CLCA2: variants seen among roughly 807,000 people sequenced by gnomAD.
The protein encoded by CLCA2 is chloride channel accessory 2, also known as calcium-activated chloride channel regulator 2.
Under a neutral mutation model 82.9 loss-of-function variants are expected in CLCA2, and 85 were observed. The observed-to-expected ratio is 1.03, with a 90% CI of 0.86 to 1.23. The LOEUF is 1.23. CLCA2 is among the 50% of genes most tolerant of loss of function. The probability of loss-of-function intolerance (pLI) is 0.00; values close to 1 mark genes in which losing one functional copy is unlikely to be tolerated. For missense variants in CLCA2, 1,089 were observed against 1,124.8 expected, an observed-to-expected ratio of 0.97 and a Z score of 0.45; for synonymous variants, 421 against 391.7, an observed-to-expected ratio of 1.07 and a Z score of -0.88.
At chr1:86,427,583 A>G (rs1662414173) in intron 2 of CLCA2, among the ~76,000 whole-genome samples, 1 of 151,664 alleles carries the variant, frequency 6.6e-6, no homozygotes, top group African/African-American at 2.4e-5. Context: ...CAAAACACAT[A>G]TACATATTGT....
intron 10 of CLCA2, among the ~76,000 whole-genome samples, chr1:86,444,305 AAC>A (rs1012089200): frequency 3.3e-5 from 5 of 152,324 alleles, no homozygotes; most frequent in African/African-American, 1.2e-4. Flanking sequence ...AATCCATACA[AAC>A]ACACTTTTCT....
chr1:86,440,256 T>C lies in CLCA2; in HGVS notation c.1312T>C (p.Ser438Pro), dbSNP rs1358855841. 5 of 1,614,134 alleles carry C rather than the reference T, an allele frequency of 3.1e-6. No homozygotes were observed. Among genetic ancestry groups the C allele is most frequent in the Non-Finnish European group, 3.4e-6 (4 of 1,180,014 alleles). Reference protein sequence around the residue: ...NCLPTVLSSGSTIHSIALGSS... With the variant: ...NCLPTVLSSGPTIHSIALGSS... ...CTTACCCACTGTGCTCAGCAGTGGT[T>C]CAACAATTCACTCCATTGCCCTGGG... The change falls in exon 8 of 14, where the codon TCA becomes CCA. Residue 438 changes from serine to proline, a missense_variant. By Grantham distance (74) the Ser-to-Pro change is moderately conservative. Transcript: ENST00000370565.
At chr1:86,436,904 G>T (rs781561014) in intron 6 of CLCA2, among the ~76,000 whole-genome samples, 10 of 152,012 alleles carry the variant, frequency 6.6e-5, no homozygotes, top group Non-Finnish European at 1.2e-4. Flanking sequence ...GTAGAGATGG[G>T]GTTTCTCCAT....
At chr1:86,452,176 C>CTTTTTTTTTTTTTTTTTTTTTTTTTTT (rs753484167) in intron 12 of CLCA2, among the ~76,000 whole-genome samples, 3 of 43,936 alleles carry the variant, frequency 6.8e-5, no homozygotes, top group African/African-American at 9.2e-5. Flanking sequence ...AACCTGGAAG[C>CTTTTTTTTTTTTTTTTTTTTTTTTTTT]TTTTTTTTTT....
rs758193376 is a variant in CLCA2 at position 86,441,530 on chromosome 1, A to G, written c.1475A>G (p.Gln492Arg). 8.5e-5 allele frequency: 136 copies of G among 1,608,942 alleles called. No individual in the cohort carries two copies. The highest frequency in any genetic ancestry group is 1.1e-4 in the Non-Finnish European group (131 of 1,175,884). Residue 492 changes from glutamine to arginine, a missense_variant, in exon 9 of 14, where the codon CAG (glutamine) becomes CGG (arginine). By Grantham distance (43) the Gln-to-Arg change is conservative. Transcript: ENST00000370565. ...TCCTCTGGAACTGGAGACATTTTCCAGCAACATATTCAGGTCAGAATTTTC... is the reference window on the plus strand; with the variant it reads ...TCCTCTGGAACTGGAGACATTTTCCGGCAACATATTCAGGTCAGAATTTTC... ...RISSGTGDIF[Q>R]QHIQLESTGE...
At position 86,430,969 on chromosome 1, in the gene CLCA2, A is replaced by T; in HGVS notation, c.583A>T (p.Arg195Trp). The T allele has an allele frequency of 6.3e-7, 1 of 1,593,838 alleles. No homozygotes were observed. The highest frequency in any genetic ancestry group is 8.6e-7 in the Non-Finnish European group (1 of 1,164,428). The stretch of plus-strand genomic sequence containing the variant: ...TGGGCAAAATCAAATTAAAGTGACA[A>T]GGTTAGTACTTTTTTTCATGTTATA... ...INGQNQIKVT[R>W]CSSDITGIFV... The change falls in exon 4 of 14, where the codon AGG (arginine) becomes TGG (tryptophan). Residue 195 changes from arginine to tryptophan, a missense_variant and splice_region_variant. By Grantham distance (101) the Arg-to-Trp change is moderately radical. Transcript: ENST00000370565.
intron 8 of CLCA2, 120 bp downstream of exon 8, chr1:86,440,445 C>T (rs55917045): frequency 0.025 from 23,232 of 929,984 alleles, 402 homozygotes; most frequent in African/African-American, 0.072. Flanking sequence ...TTTTAAAAAA[C>T]GCACACACAT....
chr1:86,440,186 G>A lies in CLCA2; in HGVS notation c.1242G>A (p.Val414=), dbSNP rs1453899195. 1 of 1,614,148 alleles carries A rather than the reference G, an allele frequency of 6.2e-7. No individual in the cohort carries two copies. The highest frequency in any genetic ancestry group is 1.1e-5 in the South Asian group (1 of 91,082). Reference sequence around the variant, plus strand: ...TGAATGGAAAAGCTTATGGCTCTGTGATGATATTAGTGACCAGCGGAGATG... The same window carrying A: ...TGAATGGAAAAGCTTATGGCTCTGTAATGATATTAGTGACCAGCGGAGATG... ...EKLNGKAYGS[V]MILVTSGDDK... The change falls in exon 8 of 14, where the codon GTG becomes GTA. Residue 414 remains valine (V), a synonymous_variant. Coordinates refer to ENST00000370565, the MANE Select transcript of CLCA2 (RefSeq NM_006536.7).
chr1:86,434,132 T>A (rs1288214225), intron 5 of CLCA2, among the ~76,000 whole-genome samples: 1 of 152,168 alleles, frequency 6.6e-6, no homozygotes, highest in Non-Finnish European at 1.5e-5. Flanking sequence ...TAAATATTAT[T>A]CCAAGGAGTA....
intron 6 of CLCA2, among the ~76,000 whole-genome samples, chr1:86,438,390 A>G (rs1662655100): frequency 6.6e-6 from 1 of 152,222 alleles, no homozygotes; most frequent in Non-Finnish European, 1.5e-5. Context: ...GAAAGCTATC[A>G]TCCTCACTCT....
chr1:86,451,674 C>T (rs761957489), intron 12 of CLCA2, among the ~76,000 whole-genome samples: 105 of 152,292 alleles, frequency 6.9e-4, no homozygotes, highest in Non-Finnish European at 1.1e-3. Flanking sequence ...AACCTTCTTA[C>T]TTTACCATCT....
chr1:86,424,467 C>T (rs767391200), intron 1 of CLCA2, 34 bp downstream of exon 1: 1 of 1,569,408 alleles, frequency 6.4e-7, no homozygotes, highest in African/African-American at 1.4e-5. Context: ...TACTAGCATC[C>T]CATTTGATCA....
At chr1:86,451,614 T>A (rs1662969442) in intron 12 of CLCA2, among the ~76,000 whole-genome samples, 1 of 152,150 alleles carries the variant, frequency 6.6e-6, no homozygotes, top group Non-Finnish European at 1.5e-5. Context: ...ATCAGGCTCT[T>A]TTTCCAGCTC....
At position 86,455,301 on chromosome 1, in the gene CLCA2, T is replaced by C. The variant is rs1663052370; in HGVS notation, c.2606T>C (p.Met869Thr). 6.2e-7 allele frequency: 1 copy of C among 1,613,924 alleles called. No homozygotes were observed. Among genetic ancestry groups the C allele is most frequent in the Non-Finnish European group, 8.5e-7 (1 of 1,180,008 alleles). The change falls in exon 14 of 14, where the codon ATG becomes ACG. Residue 869 changes from methionine to threonine, a missense_variant. Coordinates refer to ENST00000370565, the MANE Select transcript of CLCA2 (RefSeq NM_006536.7). ...SHRIYVAIRA[M>T]DRNSLQSAVS... ...AGAATTTATGTTGCAATACGAGCAA[T>C]GGATAGGAACTCCTTACAGTCTGCT...
chr1:86,429,544 G>A (rs542758243), intron 3 of CLCA2, among the ~76,000 whole-genome samples: 2 of 152,308 alleles, frequency 1.3e-5, no homozygotes, highest in South Asian at 4.1e-4. Context: ...GGTTCAGCCT[G>A]TGGTTAGATA....
At chr1:86,438,812 C>T in intron 6 of CLCA2, 64 bp from the exon 7 acceptor site, 1 of 1,362,946 alleles carries the variant, frequency 7.3e-7, no homozygotes, top group Non-Finnish European at 1.0e-6. Flanking sequence ...AATTGAGTTA[C>T]TTCATCATAC....
Position 86,428,485 on chromosome 1 carries a change from G to T in CLCA2, c.392G>T (p.Gly131Val). Residue 131 changes from glycine to valine, a missense_variant, in exon 3 of 14, where the codon GGG (glycine) becomes GTG (valine). Gly to Val is a moderately radical substitution (Grantham distance 109). Transcript: ENST00000370565. ...GDDPYTLQYRGCGKEGKYIHF... is the reference protein window; with the variant it reads ...GDDPYTLQYRVCGKEGKYIHF... Reference sequence around the variant, plus strand: ...GATCCATACACCCTACAATACAGAGGGTGTGGAAAAGAGGGAAAATACATT... The same window carrying T: ...GATCCATACACCCTACAATACAGAGTGTGTGGAAAAGAGGGAAAATACATT... 1 of 1,613,666 alleles carries T rather than the reference G, an allele frequency of 6.2e-7. No homozygotes were observed. The highest frequency in any genetic ancestry group is 8.5e-7 in the Non-Finnish European group (1 of 1,179,740).
chr1:86,430,793 C>A, intron 3 of CLCA2, 69 bp from the exon 4 acceptor site: 1 of 1,123,776 alleles, frequency 8.9e-7, no homozygotes, highest in South Asian at 1.3e-5. Flanking sequence ...AATGTTACGT[C>A]TTCACTAGTT....
intron 9 of CLCA2, 103 bp downstream of exon 9, chr1:86,441,646 G>C: frequency 1.4e-6 from 1 of 738,246 alleles, no homozygotes; most frequent in Non-Finnish European, 2.3e-6. Context: ...AACCTTACTT[G>C]AATATGTAAC....
Sources: gnomAD v4.1 joint callset for allele counts (sites outside exome capture counted in the v4.1 genomes callset) on GRCh38, gnomAD v4.1.1 for gene constraint, MANE v1.5 for transcripts, NCBI Gene and HGNC (gene_info 2026-07-23, HGNC 2026-07-21) for gene names.